TAFA1: variants seen among roughly 807,000 people sequenced by gnomAD.
TAFA1 encodes the protein chemokine-like protein TAFA-1.
In TAFA1, 4 loss-of-function variants were observed where a neutral mutation model predicts 18.5. The observed-to-expected ratio is 0.22, with a 90% CI of 0.11 to 0.49. The LOEUF is 0.49. TAFA1 is among the 20% of genes least tolerant of loss of function. The pLI is 0.98. For synonymous variants in TAFA1, 56 were observed against 55.2 expected (o/e 1.01, Z -0.06); for missense variants, 147 against 169.0 (o/e 0.87, Z 0.72).
At chr3:68,406,415 A>G (rs1559655392) in intron 2 of TAFA1, among the ~76,000 whole-genome samples, 1 of 152,182 alleles carries the variant, frequency 6.6e-6, no homozygotes, top group Non-Finnish European at 1.5e-5. Flanking sequence ...ATGAACGTAA[A>G]CATAGCTATT....
At chr3:68,415,079 G>T (rs1292532650) in intron 2 of TAFA1, among the ~76,000 whole-genome samples, 1 of 152,130 alleles carries the variant, frequency 6.6e-6, no homozygotes, top group Non-Finnish European at 1.5e-5. Context: ...TTGAATCCCA[G>T]TGTCGTGCAT....
chr3:68,292,895 A>C (rs2068136746), intron 2 of TAFA1, among the ~76,000 whole-genome samples: 1 of 152,200 alleles, frequency 6.6e-6, no homozygotes, highest in South Asian at 2.1e-4. Flanking sequence ...AAACAAACAA[A>C]CAAAAACAAT....
At chr3:68,079,146 T>A (rs2064864215) in intron 2 of TAFA1, among the ~76,000 whole-genome samples, 1 of 152,238 alleles carries the variant, frequency 6.6e-6, no homozygotes, top group South Asian at 2.1e-4. Context: ...TTCTGTGGGA[T>A]TGGTGGTGAT....
chr3:68,237,398 AG>A (rs1350254052), intron 2 of TAFA1, among the ~76,000 whole-genome samples: 2 of 152,110 alleles, frequency 1.3e-5, no homozygotes, highest in South Asian at 4.1e-4. Context: ...ATGAATTTGG[AG>A]GGGGTAGGGA....
At chr3:68,348,683 A>G (rs1035134129) in intron 2 of TAFA1, among the ~76,000 whole-genome samples, 3 of 152,150 alleles carry the variant, frequency 2.0e-5, no homozygotes, top group African/African-American at 7.2e-5. Context: ...CCAACTTGCT[A>G]CAGTTCTGTA....
rs1022566507 is a variant in TAFA1 at position 68,538,988 on chromosome 3, C to T, written c.384+108C>T. The T allele has an allele frequency of 4.4e-6, 5 of 1,145,574 alleles. No individual in the cohort carries two copies. In the African/African-American group the frequency reaches 7.8e-5, roughly 18 times the overall value. 71.0% of individuals were successfully genotyped at this position (1,145,574 alleles called of 1,614,324 possible). A position where few individuals can be genotyped will look rare whatever the true frequency, so the allele number is the denominator to read the frequency against. ...AGCTTTGCACAGGAGAGAAGATTCTCCACTGACAGAAAGCATTCTGAACTA... is the reference window on the plus strand; with the variant it reads ...AGCTTTGCACAGGAGAGAAGATTCTTCACTGACAGAAAGCATTCTGAACTA... On this transcript the variant is annotated intron_variant, in intron 4 of 4. Transcript: ENST00000478136.
intron 2 of TAFA1, among the ~76,000 whole-genome samples, chr3:68,012,749 C>A (rs1189969214): frequency 6.6e-6 from 1 of 152,076 alleles, no homozygotes; most frequent in Non-Finnish European, 1.5e-5. Flanking sequence ...TACCAAACCA[C>A]GTTTCCAGTT....
intron 2 of TAFA1, among the ~76,000 whole-genome samples, chr3:68,024,726 C>T (rs2106804874): frequency 6.6e-6 from 1 of 151,818 alleles, no homozygotes. Flanking sequence ...CTCTCACCTC[C>T]CATCCCTTAG....
intron 2 of TAFA1, among the ~76,000 whole-genome samples, chr3:68,166,667 G>T (rs2065984911): frequency 6.6e-6 from 1 of 152,120 alleles, no homozygotes; most frequent in Non-Finnish European, 1.5e-5. Context: ...CTCCTCCCTT[G>T]TGAAGCGCAT....
intron 3 of TAFA1, among the ~76,000 whole-genome samples, chr3:68,509,383 T>C (rs577780457): frequency 6.6e-6 from 1 of 152,150 alleles, no homozygotes; most frequent in Admixed American, 6.6e-5. Flanking sequence ...ATTTCCGTCA[T>C]GGTCTTGTCT....
At chr3:68,332,051 G>A (rs1250543485) in intron 2 of TAFA1, among the ~76,000 whole-genome samples, 1 of 151,606 alleles carries the variant, frequency 6.6e-6, no homozygotes, top group Non-Finnish European at 1.5e-5. Context: ...TGTTAGTAGA[G>A]ATGGGGTTTC....
chr3:68,408,157 G>A (rs1012176045), intron 2 of TAFA1, among the ~76,000 whole-genome samples: 1 of 152,058 alleles, frequency 6.6e-6, no homozygotes, highest in African/African-American at 2.4e-5. Context: ...TTAAAGAAAG[G>A]AACCGTTTGT....
intron 3 of TAFA1, among the ~76,000 whole-genome samples, chr3:68,456,494 C>A (rs1244578931): frequency 1.3e-5 from 2 of 152,140 alleles, no homozygotes; most frequent in African/African-American, 2.4e-5. Flanking sequence ...GTTGCTTCTC[C>A]TGTTATCTTG....
intron 2 of TAFA1, among the ~76,000 whole-genome samples, chr3:68,053,836 TC>T (rs757685446): frequency 2.0e-5 from 3 of 152,108 alleles, no homozygotes; most frequent in African/African-American, 4.8e-5. Context: ...CCCAAGTAGC[TC>T]AGACTATAAG....
At chr3:68,137,243 C>CT (rs990326942) in intron 2 of TAFA1, among the ~76,000 whole-genome samples, 41 of 146,094 alleles carry the variant, frequency 2.8e-4, no homozygotes, top group South Asian at 2.0e-3. Flanking sequence ...AGATGTCCTG[C>CT]TTTTTTTTTT....
At chr3:68,298,883 C>T (rs2068256951) in intron 2 of TAFA1, among the ~76,000 whole-genome samples, 1 of 152,136 alleles carries the variant, frequency 6.6e-6, no homozygotes, top group Admixed American at 6.5e-5. Context: ...TGGTCTAATA[C>T]AGTAAATTGG....
intron 2 of TAFA1, among the ~76,000 whole-genome samples, chr3:68,255,653 G>A (rs2067283640): frequency 6.6e-6 from 1 of 151,832 alleles, no homozygotes; most frequent in Non-Finnish European, 1.5e-5. Flanking sequence ...ATTCTTGAGA[G>A]TTTTATAGGG....
At chr3:68,020,275 G>T (rs1457437193) in intron 2 of TAFA1, among the ~76,000 whole-genome samples, 1 of 152,180 alleles carries the variant, frequency 6.6e-6, no homozygotes, top group Non-Finnish European at 1.5e-5. Context: ...GTGACTCTGG[G>T]TCTGAGGAGT....
At chr3:68,042,933 G>A (rs538355264) in intron 2 of TAFA1, among the ~76,000 whole-genome samples, 3 of 152,164 alleles carry the variant, frequency 2.0e-5, no homozygotes, top group African/African-American at 7.2e-5. Context: ...TGTCACCCAG[G>A]CTGGAGTGCA....
Sources: gnomAD v4.1 joint callset for allele counts (sites outside exome capture counted in the v4.1 genomes callset) on GRCh38, gnomAD v4.1.1 for gene constraint, MANE v1.5 for transcripts, NCBI Gene and HGNC (gene_info 2026-07-23, HGNC 2026-07-21) for gene names.